The following NCAPD3 variants were observed in gnomAD, a reference collection of about 807,000 sequenced individuals.
NCAPD3 encodes non-SMC condensin II complex subunit D3, also known as condensin-2 complex subunit D3.
A neutral mutation model predicts 182.9 loss-of-function variants in NCAPD3; 105 were observed. That is an observed-to-expected ratio of 0.57 (90% CI 0.49 to 0.68). The LOEUF (loss-of-function observed/expected upper bound fraction) is 0.68, where lower values mean the gene tolerates loss of function less well. Among genes scored for constraint, NCAPD3 ranks in the 30% least tolerant of loss-of-function variants. The pLI is 0.00. For missense variants in NCAPD3, 1,944 were observed against 1,837.0 expected (o/e 1.06, Z -1.07); for synonymous variants, 815 against 679.9 (o/e 1.20, Z -3.09).
intron 16 of NCAPD3, 61 bp downstream of exon 16, chr11:134,192,628 T>G (rs1403002549): frequency 7.0e-7 from 1 of 1,435,996 alleles, no homozygotes; most frequent in African/African-American, 1.4e-5. Context: ...AGGAGAAATT[T>G]ATTAATACAA....
chr11:134,200,097 T>A (rs943858618), intron 13 of NCAPD3, among the ~76,000 whole-genome samples: 1 of 152,116 alleles, frequency 6.6e-6, no homozygotes, highest in African/African-American at 2.4e-5. Context: ...AAAAATTAAC[T>A]GAAAATTGAT....
At chr11:134,219,141 C>T (rs151330511) in intron 2 of NCAPD3, among the ~76,000 whole-genome samples, 2 of 152,314 alleles carry the variant, frequency 1.3e-5, no homozygotes, top group Non-Finnish European at 2.9e-5. Context: ...ACACTTCCTG[C>T]GTGTTCCCAT....
intron 19 of NCAPD3, among the ~76,000 whole-genome samples, chr11:134,181,841 G>A (rs1189776660): frequency 2.0e-5 from 3 of 152,020 alleles, no homozygotes; most frequent in African/African-American, 4.8e-5. Context: ...ACCCGATGCC[G>A]ACTTTTATTT....
In NCAPD3 at chr11:134,203,827, G is replaced by C. The variant is rs751531868; in HGVS notation, c.1295C>G (p.Ser432Cys). 1.2e-6 allele frequency: 2 copies of C among 1,614,154 alleles called. No individual in the cohort carries two copies. Among genetic ancestry groups the C allele is most frequent in the Admixed American group, 1.7e-5 (1 of 60,026 alleles). ...LPEREVDNTLSLEHQKFLKHK... is the reference protein window; with the variant it reads ...LPEREVDNTLCLEHQKFLKHK... ...CTTTAAGAACTTCTGATGCTCCAAGGAGAGGGTGTTATCCACCTCTCTTTC... is the reference window on the plus strand; with the variant it reads ...CTTTAAGAACTTCTGATGCTCCAAGCAGAGGGTGTTATCCACCTCTCTTTC... Residue 432 changes from serine to cysteine, a missense_variant, in exon 11 of 35, where the codon TCC becomes TGC. By Grantham distance (112) the Ser-to-Cys change is moderately radical (BLOSUM62 -1). Coordinates refer to ENST00000534548, the MANE Select transcript of NCAPD3 (RefSeq NM_015261.3).
chr11:134,153,618 C>T (rs1012192836), intron 32 of NCAPD3: 26 of 541,698 alleles, frequency 4.8e-5, no homozygotes, highest in African/African-American at 2.5e-4. Context: ...TCACTGTTCA[C>T]GCCTCTGGCT....
chr11:134,217,579 C>A (rs1027326623), intron 2 of NCAPD3, among the ~76,000 whole-genome samples: 2 of 152,102 alleles, frequency 1.3e-5, no homozygotes, highest in Non-Finnish European at 2.9e-5. Flanking sequence ...TCGGAAATGG[C>A]CCAGGTAAAG....
In NCAPD3 at chr11:134,168,960, A is replaced by G; in HGVS notation, c.3196T>C (p.Tyr1066His). ...FIECIFHFNN[Y>H]EKHEKYNKFP... ...TTGTTGTACTTCTCATGCTTCTCAT[A>G]GTTATTAAAGTGAAAAATACATTCA... The change falls in exon 25 of 35, where the codon TAT becomes CAT. Residue 1066 changes from tyrosine (Y) to histidine (H), a missense_variant. Around this residue, in one of 3 missense-constraint regions of NCAPD3, gnomAD observed 1,803 missense variants for 1,674.6 expected, o/e 1.08. Coordinates refer to ENST00000534548, the MANE Select transcript of NCAPD3 (RefSeq NM_015261.3). 1.2e-6 allele frequency: 2 copies of G among 1,614,020 alleles called. No individual in the cohort carries two copies. Among genetic ancestry groups the G allele is most frequent in the South Asian group, 1.1e-5 (1 of 91,062 alleles).
chr11:134,177,360 G>T lies in NCAPD3; in HGVS notation c.2880C>A (p.Asn960Lys). Reference sequence around the variant, plus strand: ...AGAGATCGCACATTACAATGATGACGTTGTTGCGGACAGCCACGTCCTCAC... The same window carrying T: ...AGAGATCGCACATTACAATGATGACTTTGTTGCGGACAGCCACGTCCTCAC... ...EVCEDVAVRN[N>K]VIIVMCDLCI... Residue 960 changes from asparagine (N) to lysine (K), a missense_variant, in exon 23 of 35, where the codon AAC (asparagine) becomes AAA (lysine). Around this residue, in one of 3 missense-constraint regions of NCAPD3, gnomAD observed 1,803 missense variants for 1,674.6 expected, o/e 1.08. Coordinates refer to ENST00000534548, the MANE Select transcript of NCAPD3 (RefSeq NM_015261.3). The T allele has an allele frequency of 6.2e-7, 1 of 1,614,236 alleles. No homozygotes were observed. Among genetic ancestry groups the T allele is most frequent in the Middle Eastern group, 1.6e-4 (1 of 6,062 alleles).
intron 20 of NCAPD3, among the ~76,000 whole-genome samples, chr11:134,179,383 C>A (rs185790938): frequency 6.6e-6 from 1 of 152,280 alleles, no homozygotes; most frequent in African/African-American, 2.4e-5. Context: ...TTGAAGTCTG[C>A]AATGATTACT....
chr11:134,157,763 G>A (rs1316908348), intron 31 of NCAPD3, among the ~76,000 whole-genome samples, 165 bp downstream of exon 31: 1 of 152,162 alleles, frequency 6.6e-6, no homozygotes, highest in Non-Finnish European at 1.5e-5. Context: ...AAATCTCCTA[G>A]AATAAATATG....
At chr11:134,220,261 C>T (rs368622984) in intron 2 of NCAPD3, among the ~76,000 whole-genome samples, 6 of 150,982 alleles carry the variant, frequency 4.0e-5, no homozygotes, top group African/African-American at 1.5e-4. Flanking sequence ...GCTCAAGCAA[C>T]TGGCCAGCCT....
chr11:134,163,500 C>A (rs1051171132), intron 27 of NCAPD3, among the ~76,000 whole-genome samples: 7 of 152,024 alleles, frequency 4.6e-5, no homozygotes, highest in Admixed American at 3.9e-4. Context: ...GAGATTGAGA[C>A]CATCCTGGCA....
At chr11:134,167,265 G>T (rs1369441355) in intron 27 of NCAPD3, among the ~76,000 whole-genome samples, 2 of 140,486 alleles carry the variant, frequency 1.4e-5, no homozygotes, top group African/African-American at 5.4e-5. Flanking sequence ...GAGCTTAGGG[G>T]AGCAGCACAC....
intron 13 of NCAPD3, 63 bp from the exon 14 acceptor site, chr11:134,194,801 C>A: frequency 9.0e-7 from 1 of 1,117,232 alleles, no homozygotes; most frequent in Non-Finnish European, 1.3e-6. Flanking sequence ...GCTAACATTT[C>A]ACCACACAAT....
At chr11:134,158,713 ATACAG>A (rs1326621461) in intron 29 of NCAPD3, among the ~76,000 whole-genome samples, 2 of 152,202 alleles carry the variant, frequency 1.3e-5, no homozygotes, top group Non-Finnish European at 1.5e-5. Context: ...ACTTTGAAAT[ATACAG>A]TAAATTGTTA....
Position 134,178,599 on chromosome 11 carries a change from C to T in NCAPD3, c.2782+35G>A, listed in dbSNP as rs189481123. ...CTTAAGACAACAGCTACACACAGAA[C>T]GATGTCAAGCCCCATTCTCCCATGT... On this transcript the variant is annotated intron_variant, in intron 22 of 34. Transcript: ENST00000534548. 197 of 1,450,550 alleles carry T rather than the reference C, an allele frequency of 1.4e-4. No individual in the cohort carries two copies. The African/African-American group carries it at 2.2e-3, about 17-fold the overall frequency. The allele number at this position is 1,450,550 out of a possible 1,614,324, so 89.9% of individuals were successfully genotyped here. A position where few individuals can be genotyped will look rare whatever the true frequency, so the allele number is the denominator to read the frequency against.
intron 2 of NCAPD3, among the ~76,000 whole-genome samples, chr11:134,217,468 C>T (rs1220057431): frequency 6.6e-6 from 1 of 152,114 alleles, no homozygotes; most frequent in Non-Finnish European, 1.5e-5. Context: ...TTAAAAGGAA[C>T]TCAAATTCCT....
At chr11:134,160,939 CT>C (rs1943559476) in intron 28 of NCAPD3, among the ~76,000 whole-genome samples, 1 of 149,744 alleles carries the variant, frequency 6.7e-6, no homozygotes, top group East Asian at 1.9e-4. Flanking sequence ...GATCAAAGCT[CT>C]GTTTTTGTTT....
chr11:134,191,039 T>C (rs1944513378), intron 16 of NCAPD3, among the ~76,000 whole-genome samples: 1 of 152,252 alleles, frequency 6.6e-6, no homozygotes, highest in African/African-American at 2.4e-5. Flanking sequence ...TTCTGAATTC[T>C]TTTGACATGG....
Sources: gnomAD v4.1 joint callset for allele counts (sites outside exome capture counted in the v4.1 genomes callset) on GRCh38, gnomAD v4.1.1 for gene constraint, gnomAD v4.1.1 regional missense constraint, MANE v1.5 for transcripts, NCBI Gene and HGNC (gene_info 2026-07-23, HGNC 2026-07-21) for gene names.